Variants in DPP10 observed in about 807,000 individuals in gnomAD.
DPP10 encodes inactive dipeptidyl peptidase 10.
In DPP10, 33 loss-of-function variants were observed where a neutral mutation model predicts 120.9. That is an observed-to-expected ratio of 0.27 (90% CI 0.21 to 0.37). The LOEUF (loss-of-function observed/expected upper bound fraction) is 0.37, where lower values mean the gene tolerates loss of function less well. Ranked by LOEUF, DPP10 falls within the 10% of genes least tolerant of loss-of-function variation. DPP10 has a pLI of 1.00. For synonymous variants in DPP10, 337 were observed against 326.1 expected, an observed-to-expected ratio of 1.03 and a Z score of -0.36; for missense variants, 816 against 942.8, an observed-to-expected ratio of 0.87 and a Z score of 1.76.
chr2:115,223,627 AAAC>A (rs1378091253), intron 1 of DPP10, among the ~76,000 whole-genome samples: 1 of 152,196 alleles, frequency 6.6e-6, no homozygotes, highest in African/African-American at 2.4e-5. Flanking sequence ...AATATGAAAT[AAAC>A]AACAACAAAA....
At chr2:115,133,115 A>ATGTGTGTGTGTGTG (rs1242932823) in intron 1 of DPP10, among the ~76,000 whole-genome samples, 1 of 73,998 alleles carries the variant, frequency 1.4e-5, no homozygotes, top group African/African-American at 6.3e-5. Context: ...ATGTATATGT[A>ATGTGTGTGTGTGTG]TGTGTGTGTG....
intron 1 of DPP10, among the ~76,000 whole-genome samples, chr2:115,000,641 T>A (rs1404175237): frequency 6.6e-6 from 1 of 152,188 alleles, no homozygotes; most frequent in Non-Finnish European, 1.5e-5. Context: ...TTCATTTCTG[T>A]TTGTTGCTAT....
At chr2:115,434,921 A>T (rs2071347717) in intron 3 of DPP10, among the ~76,000 whole-genome samples, 1 of 151,822 alleles carries the variant, frequency 6.6e-6, no homozygotes, top group Non-Finnish European at 1.5e-5. Context: ...GAGTGATAAA[A>T]TGCAATATTT....
At chr2:115,824,580 T>C (rs1032340856) in intron 21 of DPP10, among the ~76,000 whole-genome samples, 2 of 152,200 alleles carry the variant, frequency 1.3e-5, no homozygotes, top group African/African-American at 4.8e-5. Flanking sequence ...TGTTTGGTTT[T>C]CTGTTCTTGT....
intron 9 of DPP10, among the ~76,000 whole-genome samples, chr2:115,740,884 TTAAG>T (rs1257841207): frequency 1.3e-5 from 2 of 152,148 alleles, no homozygotes; most frequent in Non-Finnish European, 2.9e-5. Context: ...TAGCTCCTAA[TTAAG>T]TAAGAGAGGA....
chr2:115,553,984 ATC>A lies in DPP10; in HGVS notation c.441+28026_441+28027del, dbSNP rs1435125633. Among the ~76,000 whole-genome samples the A allele has an allele frequency of 7.5e-5, 10 of 132,836 alleles. No individual in the cohort carries two copies. The South Asian group carries it at 1.6e-3, about 21-fold the overall frequency. The allele number at this position is 132,836 out of a possible 152,430, so 87.1% of individuals were successfully genotyped here. ...GGTTAGCTTCTAAGCTCCGACACCT[ATC>A]TCTCTCTCTCTCTTTCACACACACA... On this transcript the variant is annotated intron_variant, in intron 5 of 25. Coordinates refer to ENST00000410059, the MANE Select transcript of DPP10 (RefSeq NM_020868.6).
chr2:115,683,692 TA>T (rs1356859698), intron 5 of DPP10, among the ~76,000 whole-genome samples: 1 of 151,848 alleles, frequency 6.6e-6, no homozygotes, highest in African/African-American at 2.4e-5. Context: ...AAAATAAAAA[TA>T]AAAAACCTGA....
chr2:115,012,209 G>T (rs1702314192), intron 1 of DPP10, among the ~76,000 whole-genome samples: 1 of 152,022 alleles, frequency 6.6e-6, no homozygotes, highest in Non-Finnish European at 1.5e-5. Context: ...ACCAGCCCTG[G>T]TAGCTGAAGA....
chr2:115,529,358 A>T (rs936909285), intron 5 of DPP10, among the ~76,000 whole-genome samples: 2 of 151,980 alleles, frequency 1.3e-5, no homozygotes, highest in Non-Finnish European at 2.9e-5. Flanking sequence ...TAGTAGAGAT[A>T]AAGTTTCACC....
intron 1 of DPP10, among the ~76,000 whole-genome samples, chr2:114,557,695 G>C (rs1260173602): frequency 6.6e-6 from 1 of 152,164 alleles, no homozygotes; most frequent in Non-Finnish European, 1.5e-5. Flanking sequence ...AAAGAAATAA[G>C]TTATCATGGA....
chr2:115,242,156 C>T (rs916260363), intron 1 of DPP10, among the ~76,000 whole-genome samples: 2 of 151,920 alleles, frequency 1.3e-5, no homozygotes, highest in African/African-American at 4.8e-5. Context: ...CATGCTCTTC[C>T]CACCCTTTCC....
intron 2 of DPP10, among the ~76,000 whole-genome samples, chr2:115,329,446 TTTTTA>T (rs1294917398): frequency 6.6e-6 from 1 of 152,054 alleles, no homozygotes; most frequent in African/African-American, 2.4e-5. Flanking sequence ...CTTTCTTTAT[TTTTTA>T]TTTTATTTAA....
intron 1 of DPP10, among the ~76,000 whole-genome samples, chr2:114,796,147 A>G (rs1302443524): frequency 6.6e-6 from 1 of 152,162 alleles, no homozygotes; most frequent in Non-Finnish European, 1.5e-5. Flanking sequence ...ATTCTCACTT[A>G]ATTTTCACTG....
intron 1 of DPP10, among the ~76,000 whole-genome samples, chr2:114,899,819 G>T (rs1039932766): frequency 3.3e-5 from 5 of 152,168 alleles, no homozygotes; most frequent in Non-Finnish European, 7.3e-5. Context: ...AATTAGCCGG[G>T]CTTGGTGGCG....
At chr2:115,225,498 T>C (rs965296045) in intron 1 of DPP10, among the ~76,000 whole-genome samples, 1 of 88,980 alleles carries the variant, frequency 1.1e-5, no homozygotes, top group Non-Finnish European at 2.1e-5. Context: ...CATGAATGTG[T>C]GTGTGTGTGT....
At position 115,493,005 on chromosome 2, in the gene DPP10, T is replaced by G. The variant is rs2076205854; in HGVS notation, c.272-6505T>G. ...TAAGAAAATCTGAGTGGGAGTGAAG[T>G]TTTACATATGTGGAGAACTGTAAGC... On this transcript the variant is annotated intron_variant, in intron 3 of 25. Transcript: ENST00000410059. Among the ~76,000 whole-genome samples, 5 of 152,230 alleles carry G rather than the reference T, an allele frequency of 3.3e-5. No individual in the cohort carries two copies. The South Asian group carries it at 1.0e-3, about 32-fold the overall frequency.
At chr2:115,228,828 G>T (rs1488378032) in intron 1 of DPP10, among the ~76,000 whole-genome samples, 1 of 152,148 alleles carries the variant, frequency 6.6e-6, no homozygotes, top group Non-Finnish European at 1.5e-5. Flanking sequence ...GAATAGGGCT[G>T]CAATAAACAT....
At chr2:114,667,857 G>A (rs1218443143) in intron 1 of DPP10, among the ~76,000 whole-genome samples, 2 of 152,150 alleles carry the variant, frequency 1.3e-5, no homozygotes, top group Non-Finnish European at 2.9e-5. Context: ...TCTGATAACT[G>A]TAACAGAGAA....
At chr2:115,475,511 G>A (rs1167086797) in intron 3 of DPP10, among the ~76,000 whole-genome samples, 1 of 152,220 alleles carries the variant, frequency 6.6e-6, no homozygotes, top group Non-Finnish European at 1.5e-5. Flanking sequence ...AGCCAATGTG[G>A]AGGGAACATG....
Sources: gnomAD v4.1 joint callset for allele counts (sites outside exome capture counted in the v4.1 genomes callset) on GRCh38, gnomAD v4.1.1 for gene constraint, MANE v1.5 for transcripts, NCBI Gene and HGNC (gene_info 2026-07-23, HGNC 2026-07-21) for gene names.